The following KAZN variants were observed in gnomAD, a reference collection of about 807,000 sequenced individuals.
KAZN encodes kazrin.
A neutral mutation model predicts 87.4 loss-of-function variants in KAZN; 40 were observed. That is an observed-to-expected ratio of 0.46 (90% CI 0.36 to 0.60). The LOEUF (loss-of-function observed/expected upper bound fraction) is 0.60. Ranked by LOEUF, KAZN falls within the 20% of genes least tolerant of loss-of-function variation. The pLI is 0.00. For missense variants in KAZN, 898 were observed against 1,073.9 expected (o/e 0.84, Z 2.29); for synonymous variants, 466 against 458.3 (o/e 1.02, Z -0.22).
rs705577 is a variant in KAZN at position 14,852,545 on chromosome 1, A to G, written c.227-108139A>G. ...CCCTCCCTGCTTCTTCCCACTGTCT[A>G]GGCTTGGTCAGCGTTTTCAGCCTCT... On this transcript the variant is annotated intron_variant, in intron 1 of 14. Transcript: ENST00000376030. 2.4e-3 allele frequency among the ~76,000 whole-genome samples: 364 copies of G among 152,064 alleles called. 1 individual carries two copies. The highest frequency in any genetic ancestry group is 4.5e-3 in the Non-Finnish European group (304 of 67,984).
chr1:14,399,627 T>A (rs12045738), intron 2 of KAZN, among the ~76,000 whole-genome samples: 22,926 of 152,012 alleles, frequency 0.15, 1,870 homozygotes, highest in East Asian at 0.23. Context: ...CAAAACTCTC[T>A]GTCCTGGGTC....
chr1:15,027,070 C>CTTTTTTT (rs71000358), intron 2 of KAZN, among the ~76,000 whole-genome samples: 2,892 of 56,146 alleles, frequency 0.052, 430 homozygotes, highest in Non-Finnish European at 0.065. Context: ...GCCAGTGCTT[C>CTTTTTTT]TTTTTTTTTT....
At chr1:14,663,278 T>C (rs1052265396) in intron 1 of KAZN, among the ~76,000 whole-genome samples, 2 of 152,144 alleles carry the variant, frequency 1.3e-5, no homozygotes, top group African/African-American at 4.8e-5. Flanking sequence ...TGTGTGTATA[T>C]CTTTTAAGTA....
At chr1:13,937,286 C>T (rs939573403) in intron 1 of KAZN, among the ~76,000 whole-genome samples, 49 of 152,252 alleles carry the variant, frequency 3.2e-4, no homozygotes, top group African/African-American at 1.1e-3. Flanking sequence ...CCTCGTGATC[C>T]GCCTGCCTTG....
chr1:14,681,613 G>A lies in KAZN; in HGVS notation c.226+82390G>A, dbSNP rs6674088. Reference sequence around the variant, plus strand: ...TTTAACTATATATATATGTATATGTGTATATATATATATATATATATATAT... The same window carrying A: ...TTTAACTATATATATATGTATATGTATATATATATATATATATATATATAT... On this transcript the variant is annotated intron_variant, in intron 1 of 14. Coordinates refer to ENST00000376030, the MANE Select transcript of KAZN (RefSeq NM_201628.3). Among the ~76,000 whole-genome samples, 177 of 29,092 alleles carry A rather than the reference G, an allele frequency of 6.1e-3. 7 individuals carry two copies. Among genetic ancestry groups the A allele is most frequent in the Non-Finnish European group, 6.3e-3 (104 of 16,550 alleles). The allele number at this position is 29,092 out of a possible 152,430, so 19.1% of individuals were successfully genotyped here.
chr1:14,024,830 C>A (rs533041777), intron 1 of KAZN, among the ~76,000 whole-genome samples: 1 of 152,330 alleles, frequency 6.6e-6, no homozygotes, highest in South Asian at 2.1e-4. Context: ...AAGGCACTGA[C>A]GCTTAGGCTT....
rs529680881 is a variant in KAZN at position 14,731,430 on chromosome 1, T to C, written c.226+132207T>C. The stretch of plus-strand genomic sequence containing the variant: ...CAAGGCCCTGTGACTTATCCCCGGT[T>C]CTAGAAGCCTTGCTCCAGGGCCCAC... On this transcript the variant is annotated intron_variant, in intron 1 of 14. Coordinates refer to ENST00000376030, the MANE Select transcript of KAZN (RefSeq NM_201628.3). Among the ~76,000 whole-genome samples the C allele has an allele frequency of 3.9e-5, 6 of 152,288 alleles. No homozygotes were observed. In the South Asian group the frequency reaches 1.2e-3, roughly 32 times the overall value.
At chr1:14,775,628 G>A (rs140151251) in intron 1 of KAZN, among the ~76,000 whole-genome samples, 119 of 152,324 alleles carry the variant, frequency 7.8e-4, no homozygotes, top group African/African-American at 2.8e-3. Flanking sequence ...CGTAAAACAT[G>A]CGCCATGCTG....
Position 13,937,908 on chromosome 1 carries a change from T to C in KAZN, c.91+44152T>C, listed in dbSNP as rs538420614. Among the ~76,000 whole-genome samples the C allele has an allele frequency of 2.0e-5, 3 of 152,332 alleles. No homozygotes were observed. The East Asian group carries it at 5.8e-4, about 29-fold the overall frequency. On this transcript the variant is annotated intron_variant, in intron 1 of 16. Coordinates refer to the KAZN transcript ENST00000636203. ...TGTTTCTATTTTTATGCCAGTACCA[T>C]GCTGTTATAAACTTGTAGTATCATT...
At chr1:14,314,396 T>C (rs942828205) in intron 2 of KAZN, among the ~76,000 whole-genome samples, 9 of 152,176 alleles carry the variant, frequency 5.9e-5, no homozygotes, top group African/African-American at 1.9e-4. Context: ...ATATACTTGA[T>C]CTGGCCCTGT....
At chr1:14,940,687 C>T (rs1291249527) in intron 1 of KAZN, among the ~76,000 whole-genome samples, 1 of 152,064 alleles carries the variant, frequency 6.6e-6, no homozygotes, top group Admixed American at 6.6e-5. Flanking sequence ...GAATGTTCCC[C>T]GGGCTGAGCT....
chr1:14,592,559 T>C (rs991766712), intron 2 of KAZN, among the ~76,000 whole-genome samples: 3 of 152,150 alleles, frequency 2.0e-5, no homozygotes, highest in Non-Finnish European at 4.4e-5. Context: ...TTCTGAGAAT[T>C]CCATGTCATG....
chr1:14,423,453 A>C (rs1665544265), intron 2 of KAZN, among the ~76,000 whole-genome samples: 1 of 152,226 alleles, frequency 6.6e-6, no homozygotes, highest in African/African-American at 2.4e-5. Flanking sequence ...GAAACGGCAC[A>C]GGGCAAATAC....
At chr1:14,341,367 C>T (rs1048705185) in intron 2 of KAZN, among the ~76,000 whole-genome samples, 2 of 152,164 alleles carry the variant, frequency 1.3e-5, no homozygotes, top group African/African-American at 2.4e-5. Context: ...GCAGGCAGTG[C>T]AATCCTGTTG....
intron 1 of KAZN, among the ~76,000 whole-genome samples, chr1:14,085,140 A>G (rs888867577): frequency 6.6e-6 from 1 of 152,286 alleles, no homozygotes; most frequent in African/African-American, 2.4e-5. Flanking sequence ...GTTTGCTGTC[A>G]TCTTAGAACA....
intron 2 of KAZN, among the ~76,000 whole-genome samples, chr1:14,259,688 T>A (rs1650859569): frequency 6.6e-6 from 1 of 152,154 alleles, no homozygotes. Context: ...CTTTGATGCA[T>A]CCTCCTGTCT....
intron 1 of KAZN, among the ~76,000 whole-genome samples, chr1:14,822,693 C>A (rs1337452161): frequency 6.6e-6 from 1 of 152,234 alleles, no homozygotes; most frequent in East Asian, 1.9e-4. Context: ...ACGTAGGATG[C>A]CCCAGTGGCC....
rs544369415 is a variant in KAZN at position 14,630,277 on chromosome 1, A to C, written c.226+31054A>C. 6.6e-5 allele frequency among the ~76,000 whole-genome samples: 10 copies of C among 152,324 alleles called. No individual in the cohort carries two copies. In the East Asian group the frequency reaches 1.9e-3, roughly 29 times the overall value. ...ATGGTCCAGCTTTAAGCCAACTGCT[A>C]GTAGTTGTTTCCTGTCCCTTCTGTG... On this transcript the variant is annotated intron_variant, in intron 1 of 14. Coordinates refer to ENST00000376030, the MANE Select transcript of KAZN (RefSeq NM_201628.3).
chr1:14,813,261 T>G (rs1317433601), intron 1 of KAZN, among the ~76,000 whole-genome samples: 2 of 152,206 alleles, frequency 1.3e-5, no homozygotes, highest in African/African-American at 4.8e-5. Flanking sequence ...TCTGGATTAA[T>G]GACTTGATTG....
Sources: allele counts gnomAD v4.1 joint callset (sites outside exome capture counted in the v4.1 genomes callset), GRCh38; gene constraint gnomAD v4.1.1; transcripts MANE v1.5; gene names NCBI Gene and HGNC (gene_info 2026-07-23, HGNC 2026-07-21).